TMC1: variants seen among roughly 807,000 people sequenced by gnomAD.
The protein encoded by TMC1 is transmembrane channel like 1.
In TMC1, 84 loss-of-function variants were observed where a neutral mutation model predicts 105.8. That is an observed-to-expected ratio of 0.79 (90% CI 0.67 to 0.95). The LOEUF is 0.95. Ranked by LOEUF, TMC1 falls within the 40% of genes least tolerant of loss-of-function variation. The probability of loss-of-function intolerance (pLI) is 0.00; values close to 1 mark genes in which losing one functional copy is unlikely to be tolerated. For synonymous variants in TMC1, 315 were observed against 311.5 expected (o/e 1.01, Z -0.12); for missense variants, 817 against 914.1 (o/e 0.89, Z 1.37).
At chr9:72,754,698 G>C in intron 11 of TMC1, 88 bp from the exon 12 acceptor site, 1 of 1,019,978 alleles carries the variant, frequency 9.8e-7, no homozygotes, top group East Asian at 2.5e-5. Context: ...TGTTTCAGAA[G>C]GGCTTTTAAA....
At chr9:72,594,556 A>G (rs1824688764) in intron 2 of TMC1, among the ~76,000 whole-genome samples, 1 of 152,190 alleles carries the variant, frequency 6.6e-6, no homozygotes, top group African/African-American at 2.4e-5. Context: ...AATAATCAAC[A>G]TGCCACATCA....
chr9:72,743,382 TA>T (rs917961937), intron 10 of TMC1, among the ~76,000 whole-genome samples: 6 of 126,348 alleles, frequency 4.7e-5, no homozygotes, highest in East Asian at 2.2e-4. Flanking sequence ...AAAAAAAAAA[TA>T]AAAAAAATAA....
At chr9:72,762,543 C>T (rs1827773133) in intron 12 of TMC1, among the ~76,000 whole-genome samples, 2 of 152,206 alleles carry the variant, frequency 1.3e-5, no homozygotes, top group African/African-American at 4.8e-5. Context: ...GCTGGGTCAG[C>T]AGAGGCTGAA....
At chr9:72,825,140 T>TTGAA (rs1014716771) in intron 20 of TMC1, among the ~76,000 whole-genome samples, 4 of 152,152 alleles carry the variant, frequency 2.6e-5, no homozygotes, top group African/African-American at 7.2e-5. Flanking sequence ...GGTCAATAAT[T>TTGAA]TGAATGAATG....
chr9:72,795,545 C>T (rs965183256), intron 17 of TMC1, among the ~76,000 whole-genome samples: 4 of 152,124 alleles, frequency 2.6e-5, no homozygotes, highest in Non-Finnish European at 5.9e-5. Flanking sequence ...TCAGGCCAAA[C>T]TAAGCTTCCT....
At position 72,835,897 on chromosome 9, in the gene TMC1, T is replaced by TTC. The variant is rs113386228; in HGVS notation, c.2261-41_2261-40dup. On this transcript the variant is annotated intron_variant, in intron 23 of 23. Coordinates refer to ENST00000297784, the MANE Select transcript of TMC1 (RefSeq NM_138691.3). ...CGTTTTTATTTGCCTCCTGTTCATCTTCTCTCTCTCTCTCCTTGTTTTTTT... is the reference window on the plus strand; with the variant it reads ...CGTTTTTATTTGCCTCCTGTTCATCTTCTCTCTCTCTCTCTCCTTGTTTTTTT... 57,681 of 1,529,062 alleles carry TTC rather than the reference T, an allele frequency of 0.038. 1,065 individuals carry two copies. Among genetic ancestry groups the TTC allele is most frequent in the African/African-American group, 0.051 (3,683 of 72,096 alleles). 94.7% of individuals were successfully genotyped at this position (1,529,062 alleles called of 1,614,324 possible).
rs1382787087 is a variant in TMC1 at position 72,772,522 on chromosome 9, G to T, written c.851G>T (p.Cys284Phe). ...PLSYFLVGIM[C>F]IGYSFLVVLK... Reference sequence around the variant, plus strand: ...TCCTATTTTCTAGTGGGGATTATGTGCATTGGATACAGCTTTCTGGTTGTC... The same window carrying T: ...TCCTATTTTCTAGTGGGGATTATGTTCATTGGATACAGCTTTCTGGTTGTC... The change falls in exon 13 of 24, where the codon TGC (cysteine) becomes TTC (phenylalanine). Residue 284 changes from cysteine (C) to phenylalanine (F), a missense_variant. By Grantham distance (205) the Cys-to-Phe change is radical. Coordinates refer to ENST00000297784, the MANE Select transcript of TMC1 (RefSeq NM_138691.3). 1 of 1,613,878 alleles carries T rather than the reference G, an allele frequency of 6.2e-7. No individual in the cohort carries two copies.
intron 5 of TMC1, among the ~76,000 whole-genome samples, chr9:72,683,541 A>G (rs1826322637): frequency 6.6e-6 from 1 of 150,624 alleles, no homozygotes; most frequent in Non-Finnish European, 1.5e-5. Context: ...ATCATAGCTT[A>G]TTTTTTATAG....
intron 8 of TMC1, among the ~76,000 whole-genome samples, chr9:72,733,830 A>G (rs1827254845): frequency 2.0e-5 from 3 of 152,152 alleles, no homozygotes; most frequent in African/African-American, 7.2e-5. Flanking sequence ...CATAGATCTT[A>G]GCAACCTCAG....
chr9:72,805,424 G>A lies in TMC1; in HGVS notation c.1609G>A (p.Val537Ile), dbSNP rs150206751. 63 of 1,613,792 alleles carry A rather than the reference G, an allele frequency of 3.9e-5. No individual in the cohort carries two copies. The Middle Eastern group carries it at 8.2e-4, about 21-fold the overall frequency. Residue 537 changes from valine to isoleucine, a missense_variant, in exon 18 of 24, where the codon GTC becomes ATC. Coordinates refer to ENST00000297784, the MANE Select transcript of TMC1 (RefSeq NM_138691.3). Reference protein sequence around the residue: ...LTVSDVLTTYVTILIGDFLRA... With the variant: ...LTVSDVLTTYITILIGDFLRA... ...AGTCTCTGATGTTCTGACCACCTAC[G>A]TCACAATCCTCATTGGGGACTTTCT...
At chr9:72,820,719 G>A (rs758130245) in intron 19 of TMC1, 123 bp from the exon 20 acceptor site, 21 of 1,221,532 alleles carry the variant, frequency 1.7e-5, no homozygotes, top group Non-Finnish European at 2.3e-5. Flanking sequence ...GGTTTGTCTG[G>A]TTGAAAGTGG....
At chr9:72,702,183 T>G (rs762365996) in intron 8 of TMC1, among the ~76,000 whole-genome samples, 4 of 152,184 alleles carry the variant, frequency 2.6e-5, no homozygotes, top group Admixed American at 6.5e-5. Flanking sequence ...GATAACTATA[T>G]ATAGAAAGTT....
At chr9:72,572,156 A>T (rs1824298351) in intron 1 of TMC1, among the ~76,000 whole-genome samples, 1 of 151,164 alleles carries the variant, frequency 6.6e-6, no homozygotes, top group Admixed American at 6.6e-5. Context: ...TTTTTAATTT[A>T]TTTTATGATA....
intron 1 of TMC1, among the ~76,000 whole-genome samples, chr9:72,555,973 C>CAAAAAAAAAA (rs59431883): frequency 1.4e-4 from 6 of 42,578 alleles, no homozygotes; most frequent in African/African-American, 5.7e-4. Context: ...ATGACTAAGG[C>CAAAAAAAAAA]AAAAAAAAAA....
intron 5 of TMC1, among the ~76,000 whole-genome samples, chr9:72,664,945 G>A (rs1052219568): frequency 1.4e-4 from 21 of 152,228 alleles, no homozygotes; most frequent in Admixed American, 1.0e-3. Flanking sequence ...AGATGCCACC[G>A]TGGGATGGGA....
chr9:72,652,095 A>T (rs1825822843), intron 5 of TMC1, among the ~76,000 whole-genome samples: 1 of 152,098 alleles, frequency 6.6e-6, no homozygotes, highest in Non-Finnish European at 1.5e-5. Context: ...TTTGATCATG[A>T]CCATTGTTGT....
chr9:72,737,820 T>C (rs936189585), intron 8 of TMC1, among the ~76,000 whole-genome samples: 9 of 152,260 alleles, frequency 5.9e-5, no homozygotes, highest in Non-Finnish European at 7.3e-5. Flanking sequence ...CATTGCTTTA[T>C]TGGATATTTT....
chr9:72,738,097 C>T (rs539612681), intron 8 of TMC1, among the ~76,000 whole-genome samples: 1 of 146,794 alleles, frequency 6.8e-6, no homozygotes, highest in South Asian at 2.3e-4. Context: ...AGAAGGTTTA[C>T]ATTTATTAAA....
chr9:72,773,826 G>A (rs1588076838), intron 13 of TMC1, among the ~76,000 whole-genome samples: 1 of 152,100 alleles, frequency 6.6e-6, no homozygotes, highest in African/African-American at 2.4e-5. Context: ...GTACCCCACA[G>A]CCATTCTGCC....
Sources: gnomAD v4.1 joint callset for allele counts (sites outside exome capture counted in the v4.1 genomes callset) on GRCh38, gnomAD v4.1.1 for gene constraint, MANE v1.5 for transcripts, NCBI Gene and HGNC (gene_info 2026-07-23, HGNC 2026-07-21) for gene names.